The following TMEM138 variants were observed in gnomAD, a reference collection of about 807,000 sequenced individuals.
TMEM138 encodes the protein transmembrane protein 138.
Under a neutral mutation model 18.1 loss-of-function variants are expected in TMEM138, and 9 were observed. The ratio of observed to expected loss-of-function variants is 0.50; its 90% CI spans 0.30 to 0.87. The LOEUF is 0.87. Ranked by LOEUF, TMEM138 falls within the 40% of genes least tolerant of loss-of-function variation. The pLI is 0.06. For missense variants in TMEM138, 189 were observed against 190.6 expected (o/e 0.99, Z 0.05); for synonymous variants, 79 against 74.8 (o/e 1.06, Z -0.29).
chr11:61,366,833 C>T (rs1858173293), intron 3 of TMEM138: 1 of 152,240 alleles, frequency 6.6e-6, no homozygotes, highest in South Asian at 2.1e-4. Context: ...TCGTAGAGAA[C>T]AGGTGAAATG....
chr11:61,367,744 T>G, intron 3 of TMEM138, 179 bp from the exon 4 acceptor site: 3 of 629,152 alleles, frequency 4.8e-6, no homozygotes, highest in Non-Finnish European at 8.6e-6. Context: ...TAAAAGATAT[T>G]CCCTTTGCAG....
Position 61,368,719 on chromosome 11 carries a change from A to G in TMEM138, c.*10A>G. 6.3e-7 allele frequency: 1 copy of G among 1,598,726 alleles called. No individual in the cohort carries two copies. Among genetic ancestry groups the G allele is most frequent in the South Asian group, 1.1e-5 (1 of 90,748 alleles). On this transcript the variant is annotated 3_prime_UTR_variant, in exon 5 of 5. Coordinates refer to ENST00000278826, the MANE Select transcript of TMEM138 (RefSeq NM_016464.5). ...GCAAGTTCGAAGGTGACCTCTTGTC[A>G]CACTGATGGATACTTTTCCTTCCTG...
chr11:61,370,600 A>G (rs1490216465), downstream of TMEM138, among the ~76,000 whole-genome samples: 1 of 152,232 alleles, frequency 6.6e-6, no homozygotes, highest in East Asian at 1.9e-4. Context: ...GCATGGATAC[A>G]GAGAGAGTAA....
chr11:61,371,401 C>T (rs549173883), downstream of TMEM138, among the ~76,000 whole-genome samples: 1 of 152,250 alleles, frequency 6.6e-6, no homozygotes, highest in African/African-American at 2.4e-5. Context: ...CCCACACCCC[C>T]AGGGAAAGGA....
chr11:61,367,242 C>G (rs1461253766), intron 3 of TMEM138: 1 of 152,224 alleles, frequency 6.6e-6, no homozygotes, highest in African/African-American at 2.4e-5. Flanking sequence ...CAGATCAGAT[C>G]CAGTGTCTGT....
chr11:61,372,715 G>A (rs1003852884), downstream of TMEM138, among the ~76,000 whole-genome samples: 1 of 152,036 alleles, frequency 6.6e-6, no homozygotes, highest in African/African-American at 2.4e-5. Flanking sequence ...GAACCTGGGA[G>A]GTGGAGCTTG....
At position 61,368,701 on chromosome 11, in the gene TMEM138, C is replaced by G. The variant is rs1000923142; in HGVS notation, c.481C>G (p.Arg161Gly). ...GCTGCGCAAGGAGTTCATGCAAGTT[C>G]GAAGGTGACCTCTTGTCACACTGAT... The part of the protein sequence containing the change: ...LWLRKEFMQV[R>G]R The change falls in exon 5 of 5, where the codon CGA becomes GGA. Residue 161 changes from arginine (R) to glycine (G), a missense_variant. Physicochemically the swap from Arg to Gly is moderately radical, Grantham distance 125. Transcript: ENST00000278826. The G allele has an allele frequency of 6.2e-7, 1 of 1,612,584 alleles. No homozygotes were observed. Among genetic ancestry groups the G allele is most frequent in the Non-Finnish European group, 8.5e-7 (1 of 1,178,776 alleles).
chr11:61,372,177 G>A (rs1478486314), downstream of TMEM138, among the ~76,000 whole-genome samples: 39 of 128,860 alleles, frequency 3.0e-4, no homozygotes, highest in Non-Finnish European at 3.0e-4. Context: ...CTCTGTCTCA[G>A]AAAAAAAAAA....
At chr11:61,366,254 T>A (rs576529774) in intron 3 of TMEM138, 38 bp downstream of exon 3, 1 of 1,589,800 alleles carries the variant, frequency 6.3e-7, no homozygotes, top group East Asian at 2.3e-5. Flanking sequence ...TTAATTTTTA[T>A]TTTAAATAGA....
Position 61,364,466 on chromosome 11 carries a change from T to G in TMEM138, c.76T>G (p.Ser26Ala), listed in dbSNP as rs984421066. 2 of 1,614,152 alleles carry G rather than the reference T, an allele frequency of 1.2e-6. No individual in the cohort carries two copies. Among genetic ancestry groups the G allele is most frequent in the Non-Finnish European group, 1.7e-6 (2 of 1,180,060 alleles). Reference protein sequence around the residue: ...LLLSYDLFVNSFSELLQKTPV... With the variant: ...LLLSYDLFVNAFSELLQKTPV... ...GCTGTCCTATGACCTCTTTGTCAAT[T>G]CCTTCTCAGAACTGCTCCAAAAGAC... The change falls in exon 2 of 5, where the codon TCC becomes GCC. Residue 26 changes from serine (S) to alanine (A), a missense_variant. Coordinates refer to ENST00000278826, the MANE Select transcript of TMEM138 (RefSeq NM_016464.5).
chr11:61,375,107 A>C (rs180957732), downstream of TMEM138, among the ~76,000 whole-genome samples: 85 of 152,286 alleles, frequency 5.6e-4, no homozygotes, highest in African/African-American at 1.9e-3. Flanking sequence ...AACAGGAATT[A>C]ATTGCATGGA....
At chr11:61,368,572 C>T (rs1436967671) in intron 4 of TMEM138, 25 bp from the exon 5 acceptor site, 1 of 1,547,092 alleles carries the variant, frequency 6.5e-7, no homozygotes, top group Non-Finnish European at 8.9e-7. Flanking sequence ...ACCCCTGAGG[C>T]TTCTCTTCTG....
chr11:61,373,917 C>T (rs1439143772), downstream of TMEM138, among the ~76,000 whole-genome samples: 2 of 151,980 alleles, frequency 1.3e-5, no homozygotes, highest in African/African-American at 4.8e-5. Context: ...AATCCTGGCT[C>T]ACTGCAGCCT....
rs1042224179 is a variant in TMEM138 at position 61,364,288 on chromosome 11, A to G, written c.-103A>G. 7.0e-7 allele frequency: 1 copy of G among 1,431,948 alleles called. No homozygotes were observed. Among genetic ancestry groups the G allele is most frequent in the East Asian group, 2.3e-5 (1 of 43,664 alleles). The allele number at this position is 1,431,948 out of a possible 1,614,324, so 88.7% of individuals were successfully genotyped here. ...AGAGCAAGGGAAACAGCTCTCATTC[A>G]AAGGAACTAGAAGCCTCTCCCTCAG... is the stretch of plus-strand genomic sequence containing the variant. On this transcript the variant is annotated 5_prime_UTR_variant, in exon 2 of 5. Coordinates refer to ENST00000278826, the MANE Select transcript of TMEM138 (RefSeq NM_016464.5).
chr11:61,365,878 T>TC (rs1387965630), intron 2 of TMEM138, 167 bp from the exon 3 acceptor site: 4 of 793,880 alleles, frequency 5.0e-6, no homozygotes, highest in Non-Finnish European at 7.4e-6. Context: ...AATTTTAGCT[T>TC]CATGTCATTC....
downstream of TMEM138, among the ~76,000 whole-genome samples, chr11:61,372,868 AAG>A (rs1024822359): frequency 1.2e-4 from 18 of 152,276 alleles, no homozygotes; most frequent in African/African-American, 4.1e-4. Context: ...AAGTTACAAT[AAG>A]AGAATTTACT....
chr11:61,362,722 TG>T (rs1201907813), intron 1 of TMEM138: 1 of 152,162 alleles, frequency 6.6e-6, no homozygotes, highest in African/African-American at 2.4e-5. Flanking sequence ...CCCTGGATGG[TG>T]GCCTATGAGT....
intron 1 of TMEM138, chr11:61,363,045 G>C (rs1857986185): frequency 6.6e-6 from 1 of 152,236 alleles, no homozygotes; most frequent in Non-Finnish European, 1.5e-5. Context: ...AGACCATCCT[G>C]GCTAACATGG....
chr11:61,371,210 T>A (rs530383018), downstream of TMEM138, among the ~76,000 whole-genome samples: 75 of 152,196 alleles, frequency 4.9e-4, no homozygotes, highest in African/African-American at 1.7e-3. Context: ...AATTTTTGTA[T>A]TTTTAGTAGA....
Sources: allele counts gnomAD v4.1 joint callset (sites outside exome capture counted in the v4.1 genomes callset), GRCh38; gene constraint gnomAD v4.1.1; transcripts MANE v1.5; gene names NCBI Gene and HGNC (gene_info 2026-07-23, HGNC 2026-07-21).